OTOGL: variants seen among roughly 807,000 people sequenced by gnomAD.
The protein encoded by OTOGL is otogelin like, also known as otogelin-like protein.
In OTOGL, 285 loss-of-function variants were observed where a neutral mutation model predicts 318.5. The observed-to-expected ratio is 0.89, with a 90% CI of 0.81 to 0.99. The LOEUF is 0.99. OTOGL is among the 50% of genes least tolerant of loss of function. The pLI is 0.00. For missense variants in OTOGL, 2,899 were observed against 2,845.6 expected (o/e 1.02, Z -0.43); for synonymous variants, 987 against 936.5 (o/e 1.05, Z -0.99).
intron 28 of OTOGL, among the ~76,000 whole-genome samples, chr12:80,304,988 C>A (rs541467701): frequency 7.2e-5 from 11 of 152,266 alleles, no homozygotes; most frequent in African/African-American, 2.6e-4. Context: ...TTTCAGAAAT[C>A]ATATCTGTTC....
rs777795005 is a variant in OTOGL at position 80,257,817 on chromosome 12, T to C, written c.1712-8T>C. On this transcript the variant is annotated splice_polypyrimidine_tract_variant and splice_region_variant and intron_variant, in intron 17 of 58. Transcript: ENST00000547103. ...CAAAGCTGATTTACGTATGTTCTTT[T>C]CCTGCAGGTATTGTTGAAATTCAAA... The C allele has an allele frequency of 7.7e-6, 12 of 1,562,902 alleles. No homozygotes were observed. The highest frequency in any genetic ancestry group is 3.6e-5 in the Admixed American group (2 of 54,818).
At chr12:80,260,009 C>T (rs1278117954) in intron 18 of OTOGL, among the ~76,000 whole-genome samples, 2 of 151,952 alleles carry the variant, frequency 1.3e-5, no homozygotes, top group African/African-American at 4.8e-5. Flanking sequence ...TATTGTTTAT[C>T]TGTCTGGTTT....
intron 1 of OTOGL, among the ~76,000 whole-genome samples, chr12:80,194,451 G>T (rs987111012): frequency 1.3e-5 from 2 of 152,044 alleles, no homozygotes; most frequent in African/African-American, 4.8e-5. Flanking sequence ...TCACCCAACA[G>T]AATCACCATA....
At chr12:80,125,092 G>A (rs891642227) in intron 1 of OTOGL, among the ~76,000 whole-genome samples, 1 of 152,236 alleles carries the variant, frequency 6.6e-6, no homozygotes, top group Non-Finnish European at 1.5e-5. Flanking sequence ...GGAGTGGTGA[G>A]GGAGGGCATC....
At chr12:80,202,228 T>C (rs1876506226) in intron 1 of OTOGL, among the ~76,000 whole-genome samples, 1 of 152,060 alleles carries the variant, frequency 6.6e-6, no homozygotes. Flanking sequence ...GGGTTTTCAC[T>C]TACAACCTTT....
chr12:80,215,321 A>G (rs1877614086), intron 4 of OTOGL, among the ~76,000 whole-genome samples: 1 of 151,858 alleles, frequency 6.6e-6, no homozygotes, highest in African/African-American at 2.4e-5. Flanking sequence ...ACATACCACA[A>G]ACCCTGGCTA....
In OTOGL at chr12:80,212,549, A is replaced by C. The variant is rs1243753389; in HGVS notation, c.168+552A>C. 3.2e-4 allele frequency among the ~76,000 whole-genome samples: 48 copies of C among 152,128 alleles called. 1 individual carries two copies. Among genetic ancestry groups the C allele is most frequent in the Admixed American group, 3.1e-3 (48 of 15,244 alleles). ...GAGACCTTCTTGCCCGGGTGCCTTT[A>C]TATGAAGGATAATTGCAATTTCTTC... On this transcript the variant is annotated intron_variant, in intron 4 of 58. Transcript: ENST00000547103.
At chr12:80,147,506 T>C (rs1872472075) in intron 1 of OTOGL, among the ~76,000 whole-genome samples, 2 of 151,500 alleles carry the variant, frequency 1.3e-5, no homozygotes, top group South Asian at 4.2e-4. Flanking sequence ...AGGTGTGGTG[T>C]GGTGCTGAAA....
intron 27 of OTOGL, among the ~76,000 whole-genome samples, chr12:80,298,611 AAG>A (rs1439095744): frequency 6.6e-6 from 1 of 152,194 alleles, no homozygotes; most frequent in African/African-American, 2.4e-5. Context: ...TAGCCAGGTG[AAG>A]AGAGGGAGTA....
intron 1 of OTOGL, among the ~76,000 whole-genome samples, chr12:80,172,894 A>G (rs975277922): frequency 5.9e-5 from 9 of 152,134 alleles, no homozygotes; most frequent in Non-Finnish European, 1.3e-4. Context: ...ATGAAAACAC[A>G]AGGACACATG....
chr12:80,121,672 C>G (rs967933768), intron 1 of OTOGL, among the ~76,000 whole-genome samples: 1 of 152,198 alleles, frequency 6.6e-6, no homozygotes, highest in African/African-American at 2.4e-5. Context: ...TAAAACACTT[C>G]TCTTCGTATC....
At chr12:80,356,020 C>A (rs1003741232) in intron 47 of OTOGL, 72 bp downstream of exon 47, 3 of 1,468,848 alleles carry the variant, frequency 2.0e-6, no homozygotes, top group Non-Finnish European at 9.5e-7. Context: ...AAAAGCAGAG[C>A]ATATATAATG....
chr12:80,122,237 A>C (rs1000809133), intron 1 of OTOGL, among the ~76,000 whole-genome samples: 2 of 152,028 alleles, frequency 1.3e-5, no homozygotes, highest in African/African-American at 4.8e-5. Context: ...TCTAGGATAA[A>C]ATTCCAATGT....
In OTOGL at chr12:80,339,229, G is replaced by T. The variant is rs765255520; in HGVS notation, c.5015G>T (p.Arg1672Leu). ...TGIIDIHFGFRFNLSSYTEGL... is the reference protein window; with the variant it reads ...TGIIDIHFGFLFNLSSYTEGL... ...ATCATAGACATTCATTTTGGCTTCC[G>T]ATTTAACTTGTCATCCTACACAGAA... Residue 1672 changes from arginine (R) to leucine (L), a missense_variant, in exon 43 of 59, where the codon CGA becomes CTA. Around this residue, in one of 3 missense-constraint regions of OTOGL, gnomAD observed 2,607 missense variants for 2,524.9 expected, o/e 1.03. Coordinates refer to ENST00000547103, the MANE Select transcript of OTOGL (RefSeq NM_001378609.3). The T allele has an allele frequency of 6.3e-7, 1 of 1,577,778 alleles. No individual in the cohort carries two copies.
At chr12:80,312,266 T>A (rs1161575286) in intron 30 of OTOGL, among the ~76,000 whole-genome samples, 1 of 152,130 alleles carries the variant, frequency 6.6e-6, no homozygotes, top group Non-Finnish European at 1.5e-5. Context: ...ACAAAAACAT[T>A]ACGATAGACC....
At chr12:80,223,176 T>A (rs1035010404) in intron 7 of OTOGL, among the ~76,000 whole-genome samples, 1 of 152,102 alleles carries the variant, frequency 6.6e-6, no homozygotes, top group Non-Finnish European at 1.5e-5. Flanking sequence ...AGGCTAATGC[T>A]TTCCAATTCC....
At chr12:80,229,141 G>T in intron 7 of OTOGL, 116 bp from the exon 8 acceptor site, 1 of 1,193,058 alleles carries the variant, frequency 8.4e-7, no homozygotes. Flanking sequence ...TAGTTATAAC[G>T]TTGTAAAGTG....
Position 80,229,332 on chromosome 12 carries a change from G to A in OTOGL, c.565G>A (p.Glu189Lys), listed in dbSNP as rs766416788. 2 of 1,596,062 alleles carry A rather than the reference G, an allele frequency of 1.3e-6. No individual in the cohort carries two copies. The highest frequency in any genetic ancestry group is 1.7e-6 in the Non-Finnish European group (2 of 1,176,800). ...AATCAGCTTGTTCTTTTCAAACCAA[G>A]AGGAAATTCGAATTTATGGTCATGA... The part of the protein sequence containing the change: ...RSISLFFSNQ[E>K]EIRIYGHEIK... The change falls in exon 8 of 59, where the codon GAG becomes AAG. Residue 189 changes from glutamate to lysine, a missense_variant. By Grantham distance (56) the Glu-to-Lys change is moderately conservative (BLOSUM62 1). Transcript: ENST00000547103.
intron 1 of OTOGL, among the ~76,000 whole-genome samples, chr12:80,161,608 G>T (rs1185821582): frequency 6.6e-6 from 1 of 152,046 alleles, no homozygotes; most frequent in African/African-American, 2.4e-5. Context: ...GTAATTAACT[G>T]AATATAGGGG....
Sources: allele counts gnomAD v4.1 joint callset (sites outside exome capture counted in the v4.1 genomes callset), GRCh38; gene constraint gnomAD v4.1.1; regional missense constraint gnomAD v4.1.1; transcripts MANE v1.5; gene names NCBI Gene and HGNC (gene_info 2026-07-23, HGNC 2026-07-21).